The following SMCHD1 variants were observed in gnomAD, a reference collection of about 807,000 sequenced individuals.
SMCHD1 encodes structural maintenance of chromosomes flexible hinge domain containing 1.
Under a neutral mutation model 254.7 loss-of-function variants are expected in SMCHD1, and 78 were observed. That is an observed-to-expected ratio of 0.31 (90% CI 0.26 to 0.37). The LOEUF is 0.37. Ranked by LOEUF, SMCHD1 falls within the 10% of genes least tolerant of loss-of-function variation. The probability of loss-of-function intolerance (pLI) is 1.00; values close to 1 mark genes in which losing one functional copy is unlikely to be tolerated. For synonymous variants in SMCHD1, 766 were observed against 794.9 expected (o/e 0.96, Z 0.61); for missense variants, 1,840 against 2,408.1 (o/e 0.76, Z 4.94).
chr18:2,727,339 A>G (rs891835789), intron 22 of SMCHD1, among the ~76,000 whole-genome samples: 2 of 152,124 alleles, frequency 1.3e-5, no homozygotes, highest in Admixed American at 1.3e-4. Flanking sequence ...AAAAAGAAAC[A>G]TATTAGCTAT....
chr18:2,683,953 C>T (rs2143915141), intron 5 of SMCHD1, among the ~76,000 whole-genome samples: 1 of 152,038 alleles, frequency 6.6e-6, no homozygotes, highest in Non-Finnish European at 1.5e-5. Context: ...ATAGTTGGTT[C>T]ATGTTTTATA....
At chr18:2,692,321 G>A (rs1325253961) in intron 7 of SMCHD1, among the ~76,000 whole-genome samples, 12 of 152,120 alleles carry the variant, frequency 7.9e-5, no homozygotes, top group Admixed American at 7.9e-4. Context: ...GGCTGCGGAG[G>A]GAGAATCTCT....
intron 3 of SMCHD1, 144 bp downstream of exon 3, chr18:2,667,175 C>T (rs1476875900): frequency 3.0e-6 from 2 of 672,836 alleles, no homozygotes; most frequent in South Asian, 2.0e-5. Context: ...TCAAATTCAT[C>T]ACGGTATTAT....
chr18:2,744,032 A>G lies in SMCHD1; in HGVS notation c.3801+104A>G, dbSNP rs943422174. ...AGATATATTTTGTTGCTGAAGTAACAACTAACAGTTGTTAACAGTAAAAAT... is the reference window on the plus strand; with the variant it reads ...AGATATATTTTGTTGCTGAAGTAACGACTAACAGTTGTTAACAGTAAAAAT... On this transcript the variant is annotated intron_variant, in intron 29 of 47. Transcript: ENST00000320876. 1.1e-5 allele frequency: 11 copies of G among 1,012,528 alleles called. No individual in the cohort carries two copies. In the African/African-American group the frequency reaches 1.5e-4, roughly 13 times the overall value. 62.7% of individuals were successfully genotyped at this position (1,012,528 alleles called of 1,614,324 possible).
intron 41 of SMCHD1, among the ~76,000 whole-genome samples, chr18:2,774,642 G>A (rs1173859890): frequency 6.6e-6 from 1 of 152,116 alleles, no homozygotes; most frequent in African/African-American, 2.4e-5. Flanking sequence ...AAACTCCTGG[G>A]CTCAAGCACT....
At chr18:2,678,681 G>A (rs2073834722) in intron 5 of SMCHD1, among the ~76,000 whole-genome samples, 1 of 151,962 alleles carries the variant, frequency 6.6e-6, no homozygotes, top group South Asian at 2.1e-4. Flanking sequence ...ATGTGTATTT[G>A]AGTTATAATA....
intron 1 of SMCHD1, 84 bp downstream of exon 1, chr18:2,656,345 A>G: frequency 5.7e-6 from 7 of 1,232,386 alleles, no homozygotes; most frequent in Non-Finnish European, 7.3e-6. Context: ...CACTGAGGGC[A>G]ATAAACCTGT....
chr18:2,763,941 A>C lies in SMCHD1; in HGVS notation c.4719+152A>C, dbSNP rs767896008. 2.6e-5 allele frequency: 18 copies of C among 689,264 alleles called. No individual in the cohort carries two copies. The African/African-American group carries it at 3.2e-4, about 12-fold the overall frequency. The allele number at this position is 689,264 out of a possible 1,614,324, so 42.7% of individuals were successfully genotyped here. ...AGCTGAAATATTTTCTGTTTTTGCTATTACAAATTGAACCCAAGATCTTTA... is the reference window on the plus strand; with the variant it reads ...AGCTGAAATATTTTCTGTTTTTGCTCTTACAAATTGAACCCAAGATCTTTA... On this transcript the variant is annotated intron_variant, in intron 37 of 47. Coordinates refer to ENST00000320876, the MANE Select transcript of SMCHD1 (RefSeq NM_015295.3).
At chr18:2,760,459 A>G in intron 34 of SMCHD1, 193 bp from the exon 35 acceptor site, 1 of 431,654 alleles carries the variant, frequency 2.3e-6, no homozygotes, top group East Asian at 3.9e-5. Flanking sequence ...GTTTTGTAAA[A>G]GAATGTACAG....
At chr18:2,739,850 T>C (rs2075315343) in intron 27 of SMCHD1, among the ~76,000 whole-genome samples, 1 of 152,086 alleles carries the variant, frequency 6.6e-6, no homozygotes, top group Non-Finnish European at 1.5e-5. Flanking sequence ...CCCAGGAGGC[T>C]GAGGCGAGGG....
intron 45 of SMCHD1, among the ~76,000 whole-genome samples, chr18:2,793,613 C>G (rs62077721): frequency 6.9e-6 from 1 of 144,138 alleles, no homozygotes; most frequent in Non-Finnish European, 1.5e-5. Flanking sequence ...TGCAGTGAGC[C>G]AAGATCGCGC....
At chr18:2,719,007 G>A (rs776546957) in intron 19 of SMCHD1, among the ~76,000 whole-genome samples, 7 of 151,446 alleles carry the variant, frequency 4.6e-5, no homozygotes, top group African/African-American at 7.3e-5. Context: ...CCCCCAAAAC[G>A]TTCTCTGTTC....
At chr18:2,801,503 T>C (rs1175504364) in intron 47 of SMCHD1, among the ~76,000 whole-genome samples, 7 of 152,154 alleles carry the variant, frequency 4.6e-5, no homozygotes, top group Non-Finnish European at 8.8e-5. Flanking sequence ...TTTCCTATTC[T>C]CTATAAATCT....
At chr18:2,742,387 T>C (rs2075367983) in intron 28 of SMCHD1, among the ~76,000 whole-genome samples, 2 of 152,198 alleles carry the variant, frequency 1.3e-5, no homozygotes, top group Non-Finnish European at 2.9e-5. Context: ...CCAGAACAAC[T>C]TCCAACATGA....
intron 3 of SMCHD1, among the ~76,000 whole-genome samples, chr18:2,668,526 A>G (rs193073566): frequency 6.6e-5 from 10 of 152,336 alleles, no homozygotes; most frequent in South Asian, 4.1e-4. Flanking sequence ...GAGCTTGAAT[A>G]TATAACTAGT....
At position 2,694,313 on chromosome 18, in the gene SMCHD1, A is replaced by T. The variant is rs567710609; in HGVS notation, c.874-214A>T. ...TTATAAGATAGGGTGCTCTTTATGC[A>T]TGCTAGTTTAGCAGTCTGTGTGAAA... On this transcript the variant is annotated intron_variant, in intron 7 of 47. Coordinates refer to ENST00000320876, the MANE Select transcript of SMCHD1 (RefSeq NM_015295.3). Among the ~76,000 whole-genome samples the T allele has an allele frequency of 9.8e-5, 15 of 152,340 alleles. No homozygotes were observed. The South Asian group carries it at 2.3e-3, about 23-fold the overall frequency.
At chr18:2,783,493 A>G (rs1335343366) in intron 44 of SMCHD1, among the ~76,000 whole-genome samples, 2 of 151,926 alleles carry the variant, frequency 1.3e-5, no homozygotes, top group Non-Finnish European at 2.9e-5. Context: ...TATTTTCTGA[A>G]CCTTTTTTGC....
chr18:2,793,031 C>G (rs1256846113), intron 45 of SMCHD1, among the ~76,000 whole-genome samples: 1 of 152,150 alleles, frequency 6.6e-6, no homozygotes, highest in East Asian at 1.9e-4. Flanking sequence ...GTAGTTTTTC[C>G]CAGTCATAAG....
chr18:2,764,882 T>A (rs534190305), intron 37 of SMCHD1, among the ~76,000 whole-genome samples: 41 of 152,266 alleles, frequency 2.7e-4, no homozygotes, highest in African/African-American at 8.9e-4. Flanking sequence ...TTTAAGAAAT[T>A]ACTAGAAGCA....
Sources: allele counts gnomAD v4.1 joint callset (sites outside exome capture counted in the v4.1 genomes callset), GRCh38; gene constraint gnomAD v4.1.1; transcripts MANE v1.5; gene names NCBI Gene and HGNC (gene_info 2026-07-23, HGNC 2026-07-21).